The following EPC2 variants were observed in gnomAD, a reference collection of about 807,000 sequenced individuals.
EPC2 encodes enhancer of polycomb homolog 2.
EPC2 carries 14 observed loss-of-function variants against 92.1 expected under a neutral mutation model. The ratio of observed to expected loss-of-function variants is 0.15; its 90% CI spans 0.10 to 0.24. The LOEUF is 0.24. Ranked by LOEUF, EPC2 falls within the 10% of genes least tolerant of loss-of-function variation. The pLI is 1.00. For synonymous variants in EPC2, 340 were observed against 334.7 expected, an observed-to-expected ratio of 1.02 and a Z score of -0.17; for missense variants, 755 against 971.5, an observed-to-expected ratio of 0.78 and a Z score of 2.96.
intron 1 of EPC2, among the ~76,000 whole-genome samples, chr2:148,659,436 T>C (rs35148120): frequency 0.15 from 22,415 of 152,184 alleles, 2,489 homozygotes; most frequent in East Asian, 0.46. Context: ...TTCTGAGAAA[T>C]CTGAGGAGGT....
chr2:148,747,062 G>C (rs1048062487), intron 3 of EPC2, among the ~76,000 whole-genome samples: 1 of 152,056 alleles, frequency 6.6e-6, no homozygotes, highest in Non-Finnish European at 1.5e-5. Context: ...TCCAAGAAAT[G>C]TGTTTTTAAT....
At chr2:148,779,106 G>A (rs1015640226) in intron 10 of EPC2, among the ~76,000 whole-genome samples, 3 of 151,926 alleles carry the variant, frequency 2.0e-5, no homozygotes, top group African/African-American at 4.8e-5. Flanking sequence ...CAAATTAATG[G>A]TCTCAAGAAG....
intron 2 of EPC2, among the ~76,000 whole-genome samples, chr2:148,714,244 G>C (rs539666546): frequency 2.6e-5 from 4 of 151,934 alleles, no homozygotes; most frequent in Admixed American, 2.0e-4. Flanking sequence ...GCATGATCTC[G>C]TTCCTTTTTT....
intron 10 of EPC2, among the ~76,000 whole-genome samples, chr2:148,777,775 A>G (rs1683674550): frequency 6.6e-6 from 1 of 152,164 alleles, no homozygotes; most frequent in Admixed American, 6.5e-5. Context: ...CTTTCCAAGG[A>G]TGGTGACAGA....
intron 1 of EPC2, among the ~76,000 whole-genome samples, chr2:148,685,499 G>A (rs149355434): frequency 0.025 from 3,823 of 152,262 alleles, 54 homozygotes; most frequent in East Asian, 0.032. Flanking sequence ...GGTGGCTCAC[G>A]CCTGTAATCC....
intron 10 of EPC2, among the ~76,000 whole-genome samples, chr2:148,771,994 T>G (rs1023161395): frequency 6.6e-6 from 1 of 152,096 alleles, no homozygotes; most frequent in African/African-American, 2.4e-5. Context: ...AGACAGAGTT[T>G]CGCCATGTTG....
At chr2:148,774,802 T>C (rs1683593942) in intron 10 of EPC2, among the ~76,000 whole-genome samples, 1 of 151,536 alleles carries the variant, frequency 6.6e-6, no homozygotes, top group Non-Finnish European at 1.5e-5. Context: ...AAAACACTTC[T>C]CAGGGCCAGG....
Position 148,769,201 on chromosome 2 carries a change from C to T in EPC2, c.1191C>T (p.Pro397=), listed in dbSNP as rs375926341. 6.8e-6 allele frequency: 11 copies of T among 1,612,500 alleles called. No homozygotes were observed. In the African/African-American group the frequency reaches 1.5e-4, roughly 22 times the overall value. The part of the protein sequence containing the change: ...EPEEENDPDG[P]CAFRRRAGCQ... ...AAGAAGAAAATGATCCTGATGGTCCCTGTGCTTTCAGAAGGCGGGCAGGAT... is the reference window on the plus strand; with the variant it reads ...AAGAAGAAAATGATCCTGATGGTCCTTGTGCTTTCAGAAGGCGGGCAGGAT... Residue 397 remains proline, a synonymous_variant, in exon 8 of 14, where the codon CCC becomes CCT. Transcript: ENST00000258484.
chr2:148,657,553 GATC>G (rs1680828284), intron 1 of EPC2, among the ~76,000 whole-genome samples: 1 of 152,038 alleles, frequency 6.6e-6, no homozygotes, highest in Non-Finnish European at 1.5e-5. Context: ...GTTCCCAGGT[GATC>G]CTGGTGCTGC....
intron 1 of EPC2, among the ~76,000 whole-genome samples, chr2:148,679,527 A>G (rs1190168819): frequency 6.6e-6 from 1 of 152,214 alleles, no homozygotes; most frequent in Non-Finnish European, 1.5e-5. Context: ...GTGAGATGTA[A>G]GAAAAGTATA....
chr2:148,644,956 T>TCCC lies in EPC2; in HGVS notation c.-57_-55dup. 2 of 1,392,296 alleles carry TCCC rather than the reference T, an allele frequency of 1.4e-6. No individual in the cohort carries two copies. The highest frequency in any genetic ancestry group is 2.0e-6 in the Non-Finnish European group (2 of 1,012,500). 86.2% of individuals were successfully genotyped at this position (1,392,296 alleles called of 1,614,324 possible). A position where few individuals can be genotyped will look rare whatever the true frequency, so the allele number is the denominator to read the frequency against. The stretch of plus-strand genomic sequence containing the variant: ...GAGGTGGAGGAGGCGGCGGGAGTCC[T>TCCC]CCCCCCCTCCCCGCCCGCCCCGCCG... On this transcript the variant is annotated 5_prime_UTR_variant, in exon 1 of 14. Coordinates refer to ENST00000258484, the MANE Select transcript of EPC2 (RefSeq NM_015630.4).
intron 2 of EPC2, chr2:148,691,412 G>T: frequency 8.9e-7 from 1 of 1,122,702 alleles, no homozygotes. Context: ...GAATCTCTGG[G>T]TGTGAAGTCT....
chr2:148,737,670 C>T (rs1682790164), intron 2 of EPC2, among the ~76,000 whole-genome samples: 2 of 152,108 alleles, frequency 1.3e-5, no homozygotes, highest in Non-Finnish European at 2.9e-5. Flanking sequence ...CATAGCTACA[C>T]TGAATGAGGG....
chr2:148,648,440 A>G (rs1228844955), intron 1 of EPC2, among the ~76,000 whole-genome samples: 1 of 152,236 alleles, frequency 6.6e-6, no homozygotes, highest in Non-Finnish European at 1.5e-5. Context: ...CTTGAATTGC[A>G]TTTTAAGTAA....
At chr2:148,693,376 A>G (rs969396332) in intron 2 of EPC2, among the ~76,000 whole-genome samples, 2 of 152,104 alleles carry the variant, frequency 1.3e-5, no homozygotes, top group Non-Finnish European at 2.9e-5. Flanking sequence ...ATACCTTCCA[A>G]TCCATCATCC....
intron 2 of EPC2, among the ~76,000 whole-genome samples, chr2:148,696,286 A>G (rs1319879105): frequency 6.6e-6 from 1 of 152,208 alleles, no homozygotes; most frequent in East Asian, 1.9e-4. Flanking sequence ...TTGTCACTAC[A>G]GGAGAAAAAA....
rs1291446476 is a variant in EPC2, at chr2:148,774,628, A to ATATATATATATATATATG, written c.1720+3254_1720+3255insATATGTATATATATATAT. On this transcript the variant is annotated intron_variant, in intron 10 of 13. Coordinates refer to ENST00000258484, the MANE Select transcript of EPC2 (RefSeq NM_015630.4). ...ACTCAAAAAAAAAAATATATTTTATATATATATATATATGCATGTACTATT... is the reference window on the plus strand; with the variant it reads ...ACTCAAAAAAAAAAATATATTTTATATATATATATATATATATGTATATATATATATGCATGTACTATT... Among the ~76,000 whole-genome samples, 7 of 133,936 alleles carry ATATATATATATATATATG rather than the reference A, an allele frequency of 5.2e-5. No homozygotes were observed. In the East Asian group the frequency reaches 2.2e-3, roughly 42 times the overall value. 87.9% of individuals were successfully genotyped at this position (133,936 alleles called of 152,430 possible). A position where few individuals can be genotyped will look rare whatever the true frequency, so the allele number is the denominator to read the frequency against.
At chr2:148,681,879 C>G (rs1018147855) in intron 1 of EPC2, among the ~76,000 whole-genome samples, 4 of 152,122 alleles carry the variant, frequency 2.6e-5, no homozygotes, top group African/African-American at 9.7e-5. Flanking sequence ...CTACCCCCTA[C>G]CCGACAACAG....
chr2:148,749,479 G>GT lies in EPC2; in HGVS notation c.460-4435dup, dbSNP rs77332023. Among the ~76,000 whole-genome samples, 1,181 of 142,980 alleles carry GT rather than the reference G, an allele frequency of 8.3e-3. 4 individuals are homozygous for GT. The highest frequency in any genetic ancestry group is 9.6e-3 in the Non-Finnish European group (621 of 64,992). 93.8% of individuals were successfully genotyped at this position (142,980 alleles called of 152,430 possible). On this transcript the variant is annotated intron_variant, in intron 3 of 13. Transcript: ENST00000258484. ...ACTCAATATAATAATCACATCATCG[G>GT]TTTTTTTTTTTTTCATCATGCAGCA...
Sources: gnomAD v4.1 joint callset for allele counts (sites outside exome capture counted in the v4.1 genomes callset) on GRCh38, gnomAD v4.1.1 for gene constraint, MANE v1.5 for transcripts, NCBI Gene and HGNC (gene_info 2026-07-23, HGNC 2026-07-21) for gene names.